Variants in SUGCT observed in about 807,000 individuals in gnomAD.
SUGCT encodes succinyl-CoA:glutarate-CoA transferase, also known as succinyl-CoA:glutarate CoA-transferase.
In SUGCT, 41 loss-of-function variants were observed where a neutral mutation model predicts 55.0. The observed-to-expected ratio is 0.74, with a 90% CI of 0.58 to 0.97. The LOEUF (loss-of-function observed/expected upper bound fraction) is 0.97. Ranked by LOEUF, SUGCT falls within the 50% of genes least tolerant of loss-of-function variation. The probability of loss-of-function intolerance (pLI) is 0.00; values close to 1 mark genes in which losing one functional copy is unlikely to be tolerated. For missense variants in SUGCT, 568 were observed against 547.8 expected (o/e 1.04, Z -0.37); for synonymous variants, 187 against 200.4 (o/e 0.93, Z 0.56).
chr7:40,952,312 C>G, the SUGCT span, among the ~76,000 whole-genome samples: 4 of 150,812 alleles, frequency 2.7e-5, no homozygotes, highest in African/African-American at 9.7e-5. Flanking sequence ...CTTGGTAGAT[C>G]TTCCCCCATC....
At chr7:40,652,428 G>A (rs1199320214) in intron 12 of SUGCT, among the ~76,000 whole-genome samples, 4 of 152,090 alleles carry the variant, frequency 2.6e-5, no homozygotes, top group African/African-American at 9.7e-5. Flanking sequence ...TGATATCAAG[G>A]TTATGTCTAT....
At chr7:40,689,226 A>G (rs1266033283) in intron 12 of SUGCT, among the ~76,000 whole-genome samples, 2 of 152,190 alleles carry the variant, frequency 1.3e-5, no homozygotes, top group Non-Finnish European at 2.9e-5. Context: ...GTAATAGAAA[A>G]GGTAGCCTTG....
the SUGCT span, among the ~76,000 whole-genome samples, chr7:40,947,575 G>A: frequency 1.6e-4 from 25 of 151,864 alleles, no homozygotes; most frequent in Admixed American, 1.2e-3. Flanking sequence ...AAATAATACA[G>A]TATAGCAATT....
chr7:40,757,445 A>G (rs1788312597), intron 13 of SUGCT, among the ~76,000 whole-genome samples: 1 of 152,198 alleles, frequency 6.6e-6, no homozygotes, highest in Non-Finnish European at 1.5e-5. Context: ...TTTGCAACAT[A>G]TCCTCATCAA....
At position 40,260,755 on chromosome 7, in the gene SUGCT, G is replaced by T. The variant is rs575950451; in HGVS notation, c.577-13758G>T. ...CAACCTCTGCCTTCTGGGTTCAAGG[G>T]ATTCTCATGCCTCAGCCTCCCGAGT... On this transcript the variant is annotated intron_variant, in intron 7 of 13. Transcript: ENST00000335693. Among the ~76,000 whole-genome samples the T allele has an allele frequency of 2.8e-4, 43 of 152,206 alleles. 1 individual carries two copies. Among genetic ancestry groups the T allele is most frequent in the South Asian group, 1.5e-3 (7 of 4,820 alleles).
chr7:40,735,633 T>A (rs1195100827), intron 12 of SUGCT, among the ~76,000 whole-genome samples: 2 of 152,000 alleles, frequency 1.3e-5, no homozygotes, highest in African/African-American at 4.8e-5. Context: ...GGAGATAGAA[T>A]AGAAACTTCA....
At chr7:40,741,703 G>A (rs1474925113) in intron 12 of SUGCT, among the ~76,000 whole-genome samples, 2 of 152,206 alleles carry the variant, frequency 1.3e-5, no homozygotes, top group Non-Finnish European at 2.9e-5. Context: ...AGCAGAGTCA[G>A]TTAAATTATG....
intron 13 of SUGCT, among the ~76,000 whole-genome samples, chr7:40,773,658 T>C (rs1789302154): frequency 6.6e-6 from 1 of 152,196 alleles, no homozygotes; most frequent in South Asian, 2.1e-4. Context: ...CTTTTTTTGC[T>C]TGCTTTTTGT....
At chr7:40,270,872 A>G (rs980975916) in intron 7 of SUGCT, among the ~76,000 whole-genome samples, 1 of 144,784 alleles carries the variant, frequency 6.9e-6, no homozygotes, top group Non-Finnish European at 1.5e-5. Flanking sequence ...AATTTCTTTC[A>G]ACAATATTTT....
chr7:40,447,501 G>A (rs949527851), intron 9 of SUGCT, among the ~76,000 whole-genome samples: 4 of 152,060 alleles, frequency 2.6e-5, no homozygotes, highest in East Asian at 1.9e-4. Flanking sequence ...TAAGTATCCC[G>A]ATGACAGAGG....
chr7:40,740,623 T>C (rs1194720570), intron 12 of SUGCT, among the ~76,000 whole-genome samples: 2 of 151,618 alleles, frequency 1.3e-5, no homozygotes, highest in African/African-American at 4.8e-5. Context: ...GCATTCAGTA[T>C]TTCACCATTA....
At chr7:40,956,144 A>G in the SUGCT span, among the ~76,000 whole-genome samples, 16 of 152,222 alleles carry the variant, frequency 1.1e-4, no homozygotes, top group African/African-American at 3.9e-4. Context: ...TGGCCTCACA[A>G]AAAGAGTTAG....
At chr7:40,711,146 T>G (rs1209217571) in intron 12 of SUGCT, among the ~76,000 whole-genome samples, 1 of 152,176 alleles carries the variant, frequency 6.6e-6, no homozygotes, top group Non-Finnish European at 1.5e-5. Flanking sequence ...TCAGGAGAAG[T>G]GACCACTGCG....
intron 9 of SUGCT, among the ~76,000 whole-genome samples, chr7:40,407,308 TG>T (rs1020318709): frequency 2.6e-5 from 4 of 152,062 alleles, no homozygotes; most frequent in African/African-American, 9.7e-5. Context: ...CTGGATGAAA[TG>T]GCTTTTAGTA....
At chr7:40,209,813 CA>C (rs1373592212) in intron 6 of SUGCT, among the ~76,000 whole-genome samples, 3 of 151,148 alleles carry the variant, frequency 2.0e-5, no homozygotes, top group Non-Finnish European at 4.4e-5. Flanking sequence ...AACAAACAAA[CA>C]AAAGAATAAA....
chr7:40,213,975 A>G (rs1041464062), intron 6 of SUGCT, among the ~76,000 whole-genome samples: 3 of 152,088 alleles, frequency 2.0e-5, no homozygotes, highest in Non-Finnish European at 4.4e-5. Flanking sequence ...ATCTCATGGA[A>G]TCCTCAAGAT....
intron 7 of SUGCT, among the ~76,000 whole-genome samples, chr7:40,260,779 G>T (rs149368624): frequency 6.6e-6 from 1 of 152,126 alleles, no homozygotes; most frequent in African/African-American, 2.4e-5. Context: ...AGCCTCCCGA[G>T]TAGCTGGGAC....
the SUGCT span, among the ~76,000 whole-genome samples, chr7:41,001,911 A>C: frequency 6.6e-5 from 10 of 152,250 alleles, no homozygotes; most frequent in Non-Finnish European, 1.3e-4. Context: ...TACAGTATAC[A>C]GAAAGAATCT....
At chr7:40,772,546 CTA>C (rs1562994135) in intron 13 of SUGCT, among the ~76,000 whole-genome samples, 12 of 148,286 alleles carry the variant, frequency 8.1e-5, no homozygotes, top group Middle Eastern at 3.4e-3. Context: ...ATCTATCTAT[CTA>C]TCTATCTATC....
Sources: allele counts gnomAD v4.1 joint callset (sites outside exome capture counted in the v4.1 genomes callset), GRCh38; gene constraint gnomAD v4.1.1; transcripts MANE v1.5; gene names NCBI Gene and HGNC (gene_info 2026-07-23, HGNC 2026-07-21).